Variants in SEPTIN9 observed in about 807,000 individuals in gnomAD.
The protein encoded by SEPTIN9 is septin-9.
In SEPTIN9, 13 loss-of-function variants were observed where a neutral mutation model predicts 56.6. The ratio of observed to expected loss-of-function variants is 0.23; its 90% CI spans 0.15 to 0.37. The LOEUF is 0.37. Ranked by LOEUF, SEPTIN9 falls within the 10% of genes least tolerant of loss-of-function variation. The pLI is 1.00. For missense variants in SEPTIN9, 650 were observed against 823.1 expected (o/e 0.79, Z 2.57); for synonymous variants, 332 against 334.1 (o/e 0.99, Z 0.07).
chr17:77,383,369 C>G (rs1304845487), intron 2 of SEPTIN9, among the ~76,000 whole-genome samples: 1 of 152,052 alleles, frequency 6.6e-6, no homozygotes, highest in Non-Finnish European at 1.5e-5. Flanking sequence ...TACAAGGTGT[C>G]TTTTAATCCC....
At chr17:77,299,171 GTT>G (rs910380717) in intron 1 of SEPTIN9, among the ~76,000 whole-genome samples, 2 of 152,196 alleles carry the variant, frequency 1.3e-5, no homozygotes, top group African/African-American at 4.8e-5. Context: ...AGACTTCAGT[GTT>G]TTTATCTCCC....
chr17:77,467,691 G>A lies in SEPTIN9; in HGVS notation c.722-14453G>A, dbSNP rs934995063. On this transcript the variant is annotated intron_variant, in intron 3 of 11. Transcript: ENST00000427177. Reference sequence around the variant, plus strand: ...GAAATCATGAGTCTCATTCACAGGCGGCCACACACCGAAGCCGCGGAGACG... The same window carrying A: ...GAAATCATGAGTCTCATTCACAGGCAGCCACACACCGAAGCCGCGGAGACG... 4.6e-5 allele frequency among the ~76,000 whole-genome samples: 7 copies of A among 152,182 alleles called. No homozygotes were observed. In the East Asian group the frequency reaches 1.2e-3, roughly 25 times the overall value.
rs191962397 is a variant in SEPTIN9 at position 77,365,275 on chromosome 17, G to A, written c.77-36784G>A. ...CAGATGTATTTTGCTCCCTTATTGA[G>A]TCTCTGCTCCATGAAGCCTGCCTTG... On this transcript the variant is annotated intron_variant, in intron 2 of 11. Coordinates refer to ENST00000427177, the MANE Select transcript of SEPTIN9 (RefSeq NM_001113491.2). Among the ~76,000 whole-genome samples, 258 of 152,212 alleles carry A rather than the reference G, an allele frequency of 1.7e-3. 1 individual carries two copies. The highest frequency in any genetic ancestry group is 4.9e-3 in the Admixed American group (75 of 15,294).
chr17:77,326,336 C>T lies in SEPTIN9; in HGVS notation c.76+19139C>T, dbSNP rs142651919. ...ACAAGTGCAAGACCACATCAGTAAA[C>T]GTGAAACACAGGAAGTGACAGGTGT... is the stretch of plus-strand genomic sequence containing the variant. On this transcript the variant is annotated intron_variant, in intron 2 of 11. Coordinates refer to ENST00000427177, the MANE Select transcript of SEPTIN9 (RefSeq NM_001113491.2). The surrounding 1 kb of genome is among the most constrained non-coding windows in gnomAD (Gnocchi z 5.1). Among the ~76,000 whole-genome samples the T allele has an allele frequency of 5.1e-3, 771 of 152,332 alleles. 3 individuals are homozygous for T. Among genetic ancestry groups the T allele is most frequent in the Non-Finnish European group, 8.5e-3 (576 of 68,028 alleles).
At chr17:77,337,068 C>T (rs1430247678) in intron 2 of SEPTIN9, among the ~76,000 whole-genome samples, 2 of 147,690 alleles carry the variant, frequency 1.4e-5, no homozygotes, top group Admixed American at 6.8e-5. Flanking sequence ...GTGGTGCCAT[C>T]GTAGCTCACT....
At chr17:77,380,101 GGTCTGCAGAGCCCC>G (rs1438576188) in intron 2 of SEPTIN9, 2 of 166,090 alleles carry the variant, frequency 1.2e-5, no homozygotes, top group Non-Finnish European at 1.3e-5. Flanking sequence ...TGTTTAATTT[GGTCTGCAGAGCCCC>G]GAGGCTCCGT....
chr17:77,408,071 T>C (rs951346478), intron 3 of SEPTIN9, among the ~76,000 whole-genome samples: 3 of 151,940 alleles, frequency 2.0e-5, no homozygotes, highest in African/African-American at 7.2e-5. Flanking sequence ...TTCATGGGTC[T>C]GGTTCTCTGC....
intron 2 of SEPTIN9, among the ~76,000 whole-genome samples, chr17:77,312,577 G>T (rs945646861): frequency 1.2e-4 from 18 of 152,094 alleles, no homozygotes; most frequent in African/African-American, 4.1e-4. Context: ...CCATAGCCTC[G>T]GACCAGAGCC....
rs2036054861 is a variant in SEPTIN9 at position 77,405,993 on chromosome 17, C to T, written c.721+3290C>T. 6.6e-6 allele frequency among the ~76,000 whole-genome samples: 1 copy of T among 152,256 alleles called. No individual in the cohort carries two copies. Among genetic ancestry groups the T allele is most frequent in the Admixed American group, 6.5e-5 (1 of 15,288 alleles). On this transcript the variant is annotated intron_variant, in intron 3 of 11. Coordinates refer to ENST00000427177, the MANE Select transcript of SEPTIN9 (RefSeq NM_001113491.2). This position sits in a 1 kb window ranked among gnomAD's most constrained non-coding sequence, Gnocchi z 5.8. ...AATCATGGAGGGAGTTCCGTGCCCT[C>T]TGAGCAGACGCCCAGCCCCTTGGCT... is the stretch of plus-strand genomic sequence containing the variant.
At chr17:77,388,576 C>T (rs982152079) in intron 2 of SEPTIN9, among the ~76,000 whole-genome samples, 6 of 152,174 alleles carry the variant, frequency 3.9e-5, no homozygotes, top group Non-Finnish European at 7.3e-5. Context: ...CATTCAGTGC[C>T]GGTCCTCCAA....
At position 77,354,809 on chromosome 17, in the gene SEPTIN9, A is replaced by T. The variant is rs189527962; in HGVS notation, c.77-47250A>T. ...TGCAATCGTGACGCCTGCTTGTTGC[A>T]CTTTGCGTCCTTGAGGACGTTGACC... On this transcript the variant is annotated intron_variant, in intron 2 of 11. Transcript: ENST00000427177. Among the ~76,000 whole-genome samples, 662 of 151,994 alleles carry T rather than the reference A, an allele frequency of 4.4e-3. 6 individuals are homozygous for T. Among genetic ancestry groups the T allele is most frequent in the Non-Finnish European group, 5.0e-3 (338 of 67,968 alleles).
rs371131793 is a variant in SEPTIN9 at position 77,436,239 on chromosome 17, A to C, written c.721+33536A>C. Among the ~76,000 whole-genome samples the C allele has an allele frequency of 6.6e-6, 1 of 152,248 alleles. No homozygotes were observed. Among genetic ancestry groups the C allele is most frequent in the East Asian group, 1.9e-4 (1 of 5,166 alleles). On this transcript the variant is annotated intron_variant, in intron 3 of 11. Coordinates refer to ENST00000427177, the MANE Select transcript of SEPTIN9 (RefSeq NM_001113491.2). This position sits in a 1 kb window ranked among gnomAD's most constrained non-coding sequence, Gnocchi z 4.4. ...GCTTTCCCAGGGAAAGGGCAGGAAC[A>C]GAGAGGCCTTATCTTCAGAGGAAGG... is the stretch of plus-strand genomic sequence containing the variant.
In SEPTIN9 at chr17:77,451,607, C is replaced by T. The variant is rs1209135429; in HGVS notation, c.722-30537C>T. 6.3e-6 allele frequency: 6 copies of T among 946,654 alleles called. No individual in the cohort carries two copies. The highest frequency in any genetic ancestry group is 7.5e-6 in the Non-Finnish European group (6 of 794,804). The allele number at this position is 946,654 out of a possible 1,614,324, so 58.6% of individuals were successfully genotyped here. On this transcript the variant is annotated intron_variant, in intron 3 of 11. Transcript: ENST00000427177. This position sits in a 1 kb window ranked among gnomAD's most constrained non-coding sequence, Gnocchi z 4.2. Reference sequence around the variant, plus strand: ...TCAGGTGGCGCGGCCGCGAGGCGGACCCTGATGGCCATGGTGGCGGTGCCG... The same window carrying T: ...TCAGGTGGCGCGGCCGCGAGGCGGATCCTGATGGCCATGGTGGCGGTGCCG...
At chr17:77,328,569 T>C (rs2033233837) in intron 2 of SEPTIN9, among the ~76,000 whole-genome samples, 1 of 152,166 alleles carries the variant, frequency 6.6e-6, no homozygotes, top group African/African-American at 2.4e-5. Context: ...TTTCACCATG[T>C]TGGTCAGGCT....
At position 77,317,551 on chromosome 17, in the gene SEPTIN9, C is replaced by T. The variant is rs1359302695; in HGVS notation, c.76+10354C>T. 6.6e-6 allele frequency among the ~76,000 whole-genome samples: 1 copy of T among 152,084 alleles called. No homozygotes were observed. The highest frequency in any genetic ancestry group is 1.9e-4 in the East Asian group (1 of 5,196). ...AATCTGATGCCTGATGATCTGTCAC[C>T]GTCTCCCATCACCACCAGATGGGAC... On this transcript the variant is annotated intron_variant, in intron 2 of 11. Transcript: ENST00000427177. The surrounding 1 kb of genome is among the most constrained non-coding windows in gnomAD (Gnocchi z 4.2).
intron 2 of SEPTIN9, among the ~76,000 whole-genome samples, chr17:77,357,434 T>C (rs566470720): frequency 2.8e-4 from 43 of 152,302 alleles, no homozygotes; most frequent in African/African-American, 1.0e-3. Context: ...AGCCATCACC[T>C]AGATTCTACC....
intron 3 of SEPTIN9, among the ~76,000 whole-genome samples, chr17:77,457,277 A>G (rs897061189): frequency 6.6e-6 from 1 of 152,032 alleles, no homozygotes; most frequent in African/African-American, 2.4e-5. Context: ...CTGAGTCTCC[A>G]AGCTCCTGGT....
intron 3 of SEPTIN9, among the ~76,000 whole-genome samples, chr17:77,459,557 G>A (rs1188154769): frequency 6.6e-6 from 1 of 152,176 alleles, no homozygotes; most frequent in Non-Finnish European, 1.5e-5. Context: ...AGGAATAGCC[G>A]AGGCTGGGGG....
chr17:77,329,854 C>T lies in SEPTIN9; in HGVS notation c.76+22657C>T, dbSNP rs1197350366. Among the ~76,000 whole-genome samples the T allele has an allele frequency of 6.6e-6, 1 of 152,194 alleles. No homozygotes were observed. Among genetic ancestry groups the T allele is most frequent in the East Asian group, 1.9e-4 (1 of 5,188 alleles). On this transcript the variant is annotated intron_variant, in intron 2 of 11. Transcript: ENST00000427177. The surrounding 1 kb of genome is among the most constrained non-coding windows in gnomAD (Gnocchi z 4.3). ...CTCCCTCCCATATTTACAGCACCAGCCAAGGCTTCGGGGTTTGGACACCAT... is the reference window on the plus strand; with the variant it reads ...CTCCCTCCCATATTTACAGCACCAGTCAAGGCTTCGGGGTTTGGACACCAT...
Sources: gnomAD v4.1 joint callset for allele counts (sites outside exome capture counted in the v4.1 genomes callset) on GRCh38, gnomAD v4.1.1 for gene constraint, Gnocchi (gnomAD v3.1) non-coding constraint, MANE v1.5 for transcripts, NCBI Gene and HGNC (gene_info 2026-07-23, HGNC 2026-07-21) for gene names.